Variants in LRRTM3 observed in about 807,000 individuals in gnomAD.
The protein encoded by LRRTM3 is leucine rich repeat transmembrane neuronal 3, also known as leucine-rich repeat transmembrane neuronal protein 3.
A neutral mutation model predicts 44.7 loss-of-function variants in LRRTM3; 24 were observed. The ratio of observed to expected loss-of-function variants is 0.54; its 90% CI spans 0.39 to 0.76. LRRTM3 has a LOEUF of 0.76. LRRTM3 is among the 30% of genes least tolerant of loss of function. The probability of loss-of-function intolerance (pLI) is 0.00; values close to 1 mark genes in which losing one functional copy is unlikely to be tolerated. For synonymous variants in LRRTM3, 277 were observed against 278.7 expected (o/e 0.99, Z 0.06); for missense variants, 587 against 702.2 (o/e 0.84, Z 1.85).
intron 2 of LRRTM3, among the ~76,000 whole-genome samples, chr10:67,067,669 C>A (rs570527263): frequency 6.6e-6 from 1 of 152,174 alleles, no homozygotes; most frequent in Non-Finnish European, 1.5e-5. Flanking sequence ...GTATTATTAA[C>A]AAGCTCTTAG....
intron 2 of LRRTM3, among the ~76,000 whole-genome samples, chr10:66,931,921 C>T (rs940588786): frequency 3.9e-5 from 6 of 152,066 alleles, no homozygotes; most frequent in African/African-American, 1.4e-4. Context: ...TTTTCATCAG[C>T]AAGATACATG....
chr10:67,060,326 T>C (rs1855689867), intron 2 of LRRTM3, among the ~76,000 whole-genome samples: 1 of 152,072 alleles, frequency 6.6e-6, no homozygotes, highest in Non-Finnish European at 1.5e-5. Flanking sequence ...GAAAAGTCTT[T>C]TTAAAAAAAT....
At chr10:67,082,482 G>T (rs1857102133) in intron 2 of LRRTM3, among the ~76,000 whole-genome samples, 1 of 152,074 alleles carries the variant, frequency 6.6e-6, no homozygotes, top group Non-Finnish European at 1.5e-5. Context: ...TTTGCAAAGG[G>T]CTATACTTAA....
At chr10:67,056,521 G>A (rs1464028806) in intron 2 of LRRTM3, among the ~76,000 whole-genome samples, 1 of 152,086 alleles carries the variant, frequency 6.6e-6, no homozygotes, top group Non-Finnish European at 1.5e-5. Flanking sequence ...ATCTGTATCT[G>A]TAAACACTGT....
chr10:66,974,173 C>T lies in LRRTM3; in HGVS notation c.1536+45721C>T, dbSNP rs181071377. Among the ~76,000 whole-genome samples the T allele has an allele frequency of 2.6e-5, 4 of 152,190 alleles. No homozygotes were observed. In the East Asian group the frequency reaches 7.7e-4, roughly 29 times the overall value. On this transcript the variant is annotated intron_variant, in intron 2 of 2. Transcript: ENST00000361320. ...ATTTTGCCTAATTTCGAGCTTGATACGAATGAAATCATTCAATGTAGGTTT... is the reference window on the plus strand; with the variant it reads ...ATTTTGCCTAATTTCGAGCTTGATATGAATGAAATCATTCAATGTAGGTTT...
intron 2 of LRRTM3, among the ~76,000 whole-genome samples, chr10:67,068,782 A>C (rs1252126906): frequency 6.6e-6 from 1 of 152,212 alleles, no homozygotes; most frequent in East Asian, 1.9e-4. Context: ...AGTTTGGACC[A>C]GGCATTGTGG....
chr10:66,930,358 A>C (rs1181183340), intron 2 of LRRTM3, among the ~76,000 whole-genome samples: 2 of 152,212 alleles, frequency 1.3e-5, no homozygotes, highest in African/African-American at 4.8e-5. Flanking sequence ...ATACTTCCTC[A>C]CAGCTTACTG....
At chr10:66,994,879 A>C (rs1177967922) in intron 2 of LRRTM3, among the ~76,000 whole-genome samples, 2 of 152,186 alleles carry the variant, frequency 1.3e-5, no homozygotes, top group Non-Finnish European at 1.5e-5. Flanking sequence ...ACAATATGAA[A>C]TGTAAAACTA....
intron 2 of LRRTM3, among the ~76,000 whole-genome samples, chr10:67,005,224 C>T (rs1293729868): frequency 1.3e-5 from 2 of 152,080 alleles, no homozygotes; most frequent in African/African-American, 2.4e-5. Flanking sequence ...GACAATGGTG[C>T]TGTTCAATAG....
chr10:67,053,777 G>T lies in LRRTM3; in HGVS notation c.1537-43810G>T, dbSNP rs543135757. On this transcript the variant is annotated intron_variant, in intron 2 of 2. Coordinates refer to ENST00000361320, the MANE Select transcript of LRRTM3 (RefSeq NM_178011.5). ...ACGAATTCTGCTAAAGGAATTGCAA[G>T]ATGGAATTGACTCATTTTCCCATTG... Among the ~76,000 whole-genome samples, 24 of 152,298 alleles carry T rather than the reference G, an allele frequency of 1.6e-4. 1 individual carries two copies. The highest frequency in any genetic ancestry group is 3.5e-4 in the Non-Finnish European group (24 of 68,008).
chr10:67,016,816 T>C (rs940023199), intron 2 of LRRTM3, among the ~76,000 whole-genome samples: 3 of 152,216 alleles, frequency 2.0e-5, no homozygotes, highest in African/African-American at 7.2e-5. Context: ...TTTTGACTTC[T>C]TTGATAATTT....
Position 67,098,719 on chromosome 10 carries a change from A to G in LRRTM3, c.*923A>G, listed in dbSNP as rs1365966952. ...GATACAGTTAAAAGGTGCAGCTGCC[A>G]GTGACAAATAAAAACTTTTGTTACA... On this transcript the variant is annotated 3_prime_UTR_variant, in exon 3 of 3. Coordinates refer to ENST00000361320, the MANE Select transcript of LRRTM3 (RefSeq NM_178011.5). The G allele has an allele frequency of 6.6e-6, 1 of 152,434 alleles. No homozygotes were observed. The highest frequency in any genetic ancestry group is 2.4e-5 in the African/African-American group (1 of 41,526). The allele number at this position is 152,434 out of a possible 1,614,324, so 9.4% of individuals were successfully genotyped here.
intron 2 of LRRTM3, among the ~76,000 whole-genome samples, chr10:67,092,639 A>C (rs1212940703): frequency 2.6e-5 from 4 of 152,030 alleles, no homozygotes; most frequent in African/African-American, 7.2e-5. Flanking sequence ...AGAAACTTTA[A>C]AAAACTATTC....
intron 2 of LRRTM3, among the ~76,000 whole-genome samples, chr10:67,060,549 C>A (rs1434783988): frequency 6.6e-6 from 1 of 152,194 alleles, no homozygotes; most frequent in East Asian, 1.9e-4. Context: ...TAGGCAGCAC[C>A]AGATAACACA....
intron 2 of LRRTM3, among the ~76,000 whole-genome samples, chr10:67,066,289 T>C (rs1856078592): frequency 1.4e-5 from 2 of 146,484 alleles, no homozygotes; most frequent in African/African-American, 5.2e-5. Flanking sequence ...GCCTCCCGGG[T>C]TCAAGAGATT....
chr10:67,044,316 G>A (rs1390847050), intron 2 of LRRTM3, among the ~76,000 whole-genome samples: 1 of 151,932 alleles, frequency 6.6e-6, no homozygotes. Flanking sequence ...AGGGGGAAGG[G>A]GATATTTCCA....
intron 2 of LRRTM3, among the ~76,000 whole-genome samples, chr10:66,951,486 T>C (rs1757993549): frequency 6.6e-6 from 1 of 152,214 alleles, no homozygotes; most frequent in Non-Finnish European, 1.5e-5. Flanking sequence ...ACGTATTTAA[T>C]TCTTACGACA....
At chr10:67,037,172 C>A (rs1854111247) in intron 2 of LRRTM3, among the ~76,000 whole-genome samples, 1 of 152,096 alleles carries the variant, frequency 6.6e-6, no homozygotes, top group Admixed American at 6.5e-5. Flanking sequence ...GTTCACACAT[C>A]TCAACTAATA....
chr10:66,997,072 C>T (rs1043723388), intron 2 of LRRTM3, among the ~76,000 whole-genome samples: 4 of 152,114 alleles, frequency 2.6e-5, no homozygotes, highest in African/African-American at 9.7e-5. Flanking sequence ...TCAAACAGTT[C>T]CCAAAACTTT....
Sources: gnomAD v4.1 joint callset for allele counts (sites outside exome capture counted in the v4.1 genomes callset) on GRCh38, gnomAD v4.1.1 for gene constraint, MANE v1.5 for transcripts, NCBI Gene and HGNC (gene_info 2026-07-23, HGNC 2026-07-21) for gene names.